Variants in NDST4 observed in about 807,000 individuals in gnomAD.
The protein encoded by NDST4 is N-heparan sulfate sulfotransferase 4.
A neutral mutation model predicts 100.8 loss-of-function variants in NDST4; 63 were observed. That is an observed-to-expected ratio of 0.62 (90% confidence interval 0.51 to 0.77). The LOEUF is 0.77. Ranked by LOEUF, NDST4 falls within the 30% of genes least tolerant of loss-of-function variation. The pLI is 0.00. For synonymous variants in NDST4, 377 were observed against 361.8 expected (o/e 1.04, Z -0.48); for missense variants, 943 against 1,018.4 (o/e 0.93, Z 1.01).
intron 4 of NDST4, among the ~76,000 whole-genome samples, chr4:114,958,494 A>T (rs180695503): frequency 6.6e-6 from 1 of 152,162 alleles, no homozygotes; most frequent in Non-Finnish European, 1.5e-5. Context: ...TCCATCAAAC[A>T]CCACATGTAG....
At chr4:114,872,589 G>A (rs1724172204) in intron 6 of NDST4, among the ~76,000 whole-genome samples, 1 of 151,934 alleles carries the variant, frequency 6.6e-6, no homozygotes, top group Non-Finnish European at 1.5e-5. Context: ...AGAGAATGTG[G>A]CTTTAATGTC....
chr4:115,109,893 A>C (rs1207724989), intron 1 of NDST4, among the ~76,000 whole-genome samples: 1 of 151,948 alleles, frequency 6.6e-6, no homozygotes, highest in Non-Finnish European at 1.5e-5. Context: ...AACAATGCAA[A>C]GAAAATAAAT....
chr4:115,075,969 T>G, intron 2 of NDST4, 90 bp downstream of exon 2: 1 of 1,444,576 alleles, frequency 6.9e-7, no homozygotes, highest in East Asian at 2.4e-5. Context: ...CCTTAAAACT[T>G]TAGGGATTAA....
intron 4 of NDST4, among the ~76,000 whole-genome samples, chr4:114,964,939 T>C (rs1726347029): frequency 6.6e-6 from 1 of 151,050 alleles, no homozygotes; most frequent in Non-Finnish European, 1.5e-5. Context: ...ATTTCCTTCT[T>C]TTTTCAATGC....
At chr4:114,983,570 A>G (rs1726829717) in intron 2 of NDST4, among the ~76,000 whole-genome samples, 1 of 152,198 alleles carries the variant, frequency 6.6e-6, no homozygotes, top group Non-Finnish European at 1.5e-5. Context: ...GTATCTTGGA[A>G]GTAACTAGCT....
At chr4:114,865,268 T>G (rs1439062656) in intron 7 of NDST4, among the ~76,000 whole-genome samples, 2 of 152,106 alleles carry the variant, frequency 1.3e-5, no homozygotes, top group African/African-American at 2.4e-5. Flanking sequence ...TTTCACCATA[T>G]TGGCCAGGCT....
At chr4:114,828,058 T>C (rs1390767048) in intron 13 of NDST4, 123 bp from the exon 14 acceptor site, 2 of 887,142 alleles carry the variant, frequency 2.3e-6, no homozygotes, top group East Asian at 3.3e-5. Context: ...ATTATATTTC[T>C]TGTATTTTTC....
chr4:115,076,425 A>G lies in NDST4; in HGVS notation c.612T>C (p.Ile204=). ...FVNPQSPLLH[I]TKAPKVEKGP... is the part of the protein sequence containing the mutation. ...CTTTCTCAACCTTGGGGGCTTTGGT[A>G]ATATGCAGCAAAGGAGATTGAGGGT... The change falls in exon 2 of 14, where the codon ATT becomes ATC. Residue 204 remains isoleucine, a synonymous_variant. Coordinates refer to ENST00000264363, the MANE Select transcript of NDST4 (RefSeq NM_022569.3). The G allele has an allele frequency of 6.2e-7, 1 of 1,613,986 alleles. No homozygotes were observed. The highest frequency in any genetic ancestry group is 8.5e-7 in the Non-Finnish European group (1 of 1,179,974).
At chr4:115,100,136 C>T (rs929281171) in intron 1 of NDST4, among the ~76,000 whole-genome samples, 4 of 151,906 alleles carry the variant, frequency 2.6e-5, no homozygotes, top group African/African-American at 4.8e-5. Flanking sequence ...GTGAAAGGAT[C>T]GGTGGTTATC....
Position 115,027,389 on chromosome 4 carries a change from T to C in NDST4, c.978+48670A>G, listed in dbSNP as rs143838114. On this transcript the variant is annotated intron_variant, in intron 2 of 13. Transcript: ENST00000264363. Reference sequence around the variant, plus strand: ...TGAGATCATTGTATCTCAACACTTATGGAGTGTATATAACACATACCAAGC... The same window carrying C: ...TGAGATCATTGTATCTCAACACTTACGGAGTGTATATAACACATACCAAGC... Among the ~76,000 whole-genome samples, 851 of 152,266 alleles carry C rather than the reference T, an allele frequency of 5.6e-3. 10 individuals are homozygous for C. The highest frequency in any genetic ancestry group is 0.02 in the African/African-American group (815 of 41,570).
At chr4:114,865,418 T>C (rs1008290644) in intron 7 of NDST4, among the ~76,000 whole-genome samples, 1 of 152,156 alleles carries the variant, frequency 6.6e-6, no homozygotes, top group African/African-American at 2.4e-5. Context: ...CTTATGTTAT[T>C]ATTTGTGTTT....
chr4:115,022,744 C>T (rs940043602), intron 2 of NDST4, among the ~76,000 whole-genome samples: 3 of 151,960 alleles, frequency 2.0e-5, no homozygotes, highest in Non-Finnish European at 2.9e-5. Flanking sequence ...ATTATGAGGG[C>T]GGGTCTTTCC....
chr4:115,073,955 T>G (rs575979524), intron 2 of NDST4, among the ~76,000 whole-genome samples: 16 of 151,938 alleles, frequency 1.1e-4, no homozygotes, highest in African/African-American at 3.9e-4. Flanking sequence ...ATAAAAATAA[T>G]TCTGAGGGAG....
At chr4:114,958,584 A>G (rs975211616) in intron 4 of NDST4, among the ~76,000 whole-genome samples, 2 of 152,198 alleles carry the variant, frequency 1.3e-5, no homozygotes, top group Admixed American at 6.5e-5. Context: ...TGGCTGTGAC[A>G]AAGGGCATTA....
At chr4:114,914,248 A>C (rs1412121972) in intron 6 of NDST4, among the ~76,000 whole-genome samples, 1 of 152,098 alleles carries the variant, frequency 6.6e-6, no homozygotes, top group Non-Finnish European at 1.5e-5. Context: ...TAGAAAAATA[A>C]ATAAGACCTA....
chr4:115,071,957 T>A (rs1729087625), intron 2 of NDST4, among the ~76,000 whole-genome samples: 1 of 152,002 alleles, frequency 6.6e-6, no homozygotes. Context: ...CATTAATAGG[T>A]CTGAGGGAAA....
At chr4:114,860,265 T>G (rs1723890733) in intron 7 of NDST4, among the ~76,000 whole-genome samples, 1 of 152,202 alleles carries the variant, frequency 6.6e-6, no homozygotes, top group African/African-American at 2.4e-5. Flanking sequence ...GTATTCCATC[T>G]CATATACTCA....
At chr4:115,024,766 G>A (rs1727944072) in intron 2 of NDST4, among the ~76,000 whole-genome samples, 1 of 152,122 alleles carries the variant, frequency 6.6e-6, no homozygotes, top group African/African-American at 2.4e-5. Flanking sequence ...TTTTGAGAGG[G>A]CAGGGGTAGA....
chr4:114,967,560 G>A (rs1331001246), intron 4 of NDST4, among the ~76,000 whole-genome samples: 1 of 152,078 alleles, frequency 6.6e-6, no homozygotes, highest in African/African-American at 2.4e-5. Flanking sequence ...AGGCTCTAGA[G>A]TAGGAGTGTA....
Sources: allele counts gnomAD v4.1 joint callset (sites outside exome capture counted in the v4.1 genomes callset), GRCh38; gene constraint gnomAD v4.1.1; transcripts MANE v1.5; gene names NCBI Gene and HGNC (gene_info 2026-07-23, HGNC 2026-07-21).